GTF2H5: variants seen among roughly 807,000 people sequenced by gnomAD.
GTF2H5 encodes general transcription factor IIH subunit 5.
Under a neutral mutation model 7.1 loss-of-function variants are expected in GTF2H5, and 5 were observed. That is an observed-to-expected ratio of 0.71 (90% CI 0.37 to 1.49). The LOEUF (loss-of-function observed/expected upper bound fraction) is 1.49. GTF2H5 is among the 40% of genes most tolerant of loss of function. The probability of loss-of-function intolerance (pLI) is 0.03; values close to 1 mark genes in which losing one functional copy is unlikely to be tolerated. For synonymous variants in GTF2H5, 30 were observed against 31.7 expected, an observed-to-expected ratio of 0.95 and a Z score of 0.18; for missense variants, 80 against 83.0, an observed-to-expected ratio of 0.96 and a Z score of 0.14.
intron 2 of GTF2H5, among the ~76,000 whole-genome samples, chr6:158,188,657 CAAATT>C (rs890832686): frequency 1.5e-5 from 2 of 135,522 alleles, no homozygotes; most frequent in Non-Finnish European, 2.9e-5. Context: ...GTATAATACT[CAAATT>C]AGAGAATTGC....
At position 158,170,546 on chromosome 6, in the gene GTF2H5, G is replaced by T. The variant is rs749777881; in HGVS notation, c.35+8G>T. ...AGGAGTGCTTATAGAATGGTTAGTAGTTTTGATACTGCATGAGTTTTAAGT... is the reference window on the plus strand; with the variant it reads ...AGGAGTGCTTATAGAATGGTTAGTATTTTTGATACTGCATGAGTTTTAAGT... On this transcript the variant is annotated splice_region_variant and intron_variant, in intron 2 of 2. Coordinates refer to ENST00000607778, the MANE Select transcript of GTF2H5 (RefSeq NM_207118.3). 1.9e-6 allele frequency: 3 copies of T among 1,585,582 alleles called. No homozygotes were observed. In the Admixed American group the frequency reaches 5.0e-5, roughly 26 times the overall value.
At chr6:158,171,794 T>C (rs1429595701) in intron 2 of GTF2H5, among the ~76,000 whole-genome samples, 1 of 152,196 alleles carries the variant, frequency 6.6e-6, no homozygotes, top group Non-Finnish European at 1.5e-5. Flanking sequence ...GCTATTTTTA[T>C]TTTAATGTGA....
rs1562469474 is a variant in GTF2H5 at position 158,169,763 on chromosome 6, ATT to A, written c.-34-706_-34-705del. ...TTATATATTATATAATATATTGTAT[ATT>A]ATATATAATATATTGTATATTATAT... is the stretch of plus-strand genomic sequence containing the variant. On this transcript the variant is annotated intron_variant, in intron 1 of 2. Transcript: ENST00000607778. Among the ~76,000 whole-genome samples the A allele has an allele frequency of 7.8e-5, 9 of 115,514 alleles. 2 individuals carry two copies. Among genetic ancestry groups the A allele is most frequent in the Non-Finnish European group, 1.3e-4 (8 of 60,024 alleles). 75.8% of individuals were successfully genotyped at this position (115,514 alleles called of 152,430 possible). A position where few individuals can be genotyped will look rare whatever the true frequency, so the allele number is the denominator to read the frequency against.
chr6:158,169,467 T>TAATATAC lies in GTF2H5; in HGVS notation c.-34-1003_-34-1002insAATATAC, dbSNP rs1785740548. Among the ~76,000 whole-genome samples the TAATATAC allele has an allele frequency of 6.2e-5, 4 of 64,426 alleles. 1 individual carries two copies. The highest frequency in any genetic ancestry group is 3.6e-4 in the African/African-American group (4 of 11,172). 42.3% of individuals were successfully genotyped at this position (64,426 alleles called of 152,430 possible). A position where few individuals can be genotyped will look rare whatever the true frequency, so the allele number is the denominator to read the frequency against. ...TATATTATATATTATATATATTATATTGTATATTATATATAATATATTGTA... is the reference window on the plus strand; with the variant it reads ...TATATTATATATTATATATATTATATAATATACTGTATATTATATATAATATATTGTA... On this transcript the variant is annotated intron_variant, in intron 1 of 2. Transcript: ENST00000607778.
chr6:158,169,344 A>G (rs1322046684), intron 1 of GTF2H5, among the ~76,000 whole-genome samples: 5 of 111,722 alleles, frequency 4.5e-5, no homozygotes, highest in South Asian at 2.3e-4. Flanking sequence ...TATAATACGT[A>G]TATTATATAT....
chr6:158,189,744 A>G (rs1776989464), intron 2 of GTF2H5, among the ~76,000 whole-genome samples: 1 of 152,176 alleles, frequency 6.6e-6, no homozygotes, highest in African/African-American at 2.4e-5. Flanking sequence ...ATTTCTCAGT[A>G]AAGAGAAGAC....
Position 158,193,638 on chromosome 6 carries a change from T to G in GTF2H5, c.*1481T>G, listed in dbSNP as rs1413690405. Reference sequence around the variant, plus strand: ...ACAGTTCACAGTTTTCATTCCCTCATAGCAATGCAAAAAATTTTGATGAGT... The same window carrying G: ...ACAGTTCACAGTTTTCATTCCCTCAGAGCAATGCAAAAAATTTTGATGAGT... On this transcript the variant is annotated 3_prime_UTR_variant, in exon 3 of 3. Coordinates refer to ENST00000607778, the MANE Select transcript of GTF2H5 (RefSeq NM_207118.3). The G allele has an allele frequency of 6.6e-6, 1 of 152,150 alleles. No individual in the cohort carries two copies. Among genetic ancestry groups the G allele is most frequent in the Non-Finnish European group, 1.5e-5 (1 of 68,022 alleles). 9.4% of individuals were successfully genotyped at this position (152,150 alleles called of 1,614,324 possible).
chr6:158,188,307 T>TC (rs1776962982), intron 2 of GTF2H5, among the ~76,000 whole-genome samples: 1 of 152,120 alleles, frequency 6.6e-6, no homozygotes, highest in South Asian at 2.1e-4. Flanking sequence ...CACCAGTCCC[T>TC]CCCCTTCTAC....
At chr6:158,189,849 C>T (rs1444876408) in intron 2 of GTF2H5, among the ~76,000 whole-genome samples, 2 of 152,192 alleles carry the variant, frequency 1.3e-5, no homozygotes. Context: ...ACTGCTATTG[C>T]CAAGGTCCAG....
At chr6:158,178,838 A>G (rs965937459) in intron 2 of GTF2H5, among the ~76,000 whole-genome samples, 3 of 152,162 alleles carry the variant, frequency 2.0e-5, no homozygotes, top group Admixed American at 2.0e-4. Context: ...GCTGTGCAGA[A>G]GCTCTTTAGT....
intron 2 of GTF2H5, among the ~76,000 whole-genome samples, chr6:158,184,516 C>A (rs1776871200): frequency 6.6e-6 from 1 of 152,118 alleles, no homozygotes; most frequent in Admixed American, 6.6e-5. Flanking sequence ...TGTCTCTTCT[C>A]TTAAGACCCT....
At chr6:158,177,527 G>A (rs567353507) in intron 2 of GTF2H5, among the ~76,000 whole-genome samples, 7 of 152,168 alleles carry the variant, frequency 4.6e-5, no homozygotes, top group Non-Finnish European at 7.3e-5. Context: ...TGCAGGCTGC[G>A]CTGGGTAAAG....
intron 1 of GTF2H5, among the ~76,000 whole-genome samples, chr6:158,169,886 A>G (rs1785826237): frequency 1.4e-5 from 2 of 145,336 alleles, no homozygotes; most frequent in Non-Finnish European, 3.0e-5. Flanking sequence ...TGGGCTTAGT[A>G]GTGCATGCCT....
At chr6:158,172,324 T>G (rs1001876506) in intron 2 of GTF2H5, among the ~76,000 whole-genome samples, 2 of 152,104 alleles carry the variant, frequency 1.3e-5, no homozygotes, top group Non-Finnish European at 2.9e-5. Context: ...TTCTTTTTTT[T>G]TTTTTTGACA....
At chr6:158,173,651 C>G (rs1433328743) in intron 2 of GTF2H5, among the ~76,000 whole-genome samples, 1 of 152,070 alleles carries the variant, frequency 6.6e-6, no homozygotes. Context: ...CAGGTGAATA[C>G]CAAAATTGAG....
At chr6:158,191,086 C>T (rs929994285) in intron 2 of GTF2H5, 20 of 343,092 alleles carry the variant, frequency 5.8e-5, no homozygotes, top group South Asian at 3.0e-4. Flanking sequence ...CTTTAATTTC[C>T]GTAAACAATT....
intron 2 of GTF2H5, among the ~76,000 whole-genome samples, chr6:158,183,947 C>T (rs1786043246): frequency 6.6e-6 from 1 of 152,204 alleles, no homozygotes; most frequent in South Asian, 2.1e-4. Flanking sequence ...AACCAGGTAC[C>T]TCAGTTGGAA....
chr6:158,176,650 A>G (rs1201991104), intron 2 of GTF2H5, among the ~76,000 whole-genome samples: 2 of 152,206 alleles, frequency 1.3e-5, no homozygotes, highest in African/African-American at 4.8e-5. Context: ...ACCCTAACCC[A>G]GCAGCGCTAG....
intron 2 of GTF2H5, among the ~76,000 whole-genome samples, chr6:158,185,425 A>T (rs1776903282): frequency 6.6e-6 from 1 of 151,612 alleles, no homozygotes; most frequent in South Asian, 2.1e-4. Flanking sequence ...CTGTAGACCC[A>T]GTTAGTCAGG....
Sources: gnomAD v4.1 joint callset for allele counts (sites outside exome capture counted in the v4.1 genomes callset) on GRCh38, gnomAD v4.1.1 for gene constraint, MANE v1.5 for transcripts, NCBI Gene and HGNC (gene_info 2026-07-23, HGNC 2026-07-21) for gene names.